CPA6: variants seen among roughly 807,000 people sequenced by gnomAD.
The protein encoded by CPA6 is carboxypeptidase A6, also known as carboxypeptidase B.
Under a neutral mutation model 63.3 loss-of-function variants are expected in CPA6, and 58 were observed. That is an observed-to-expected ratio of 0.92 (90% CI 0.74 to 1.14). The LOEUF (loss-of-function observed/expected upper bound fraction) is 1.14, where lower values mean the gene tolerates loss of function less well. Ranked by LOEUF, CPA6 falls within the 50% of genes most tolerant of loss-of-function variation. The pLI is 0.00. For synonymous variants in CPA6, 185 were observed against 179.0 expected (o/e 1.03, Z -0.27); for missense variants, 565 against 526.6 (o/e 1.07, Z -0.71).
At chr8:67,658,966 A>G (rs193097511) in intron 1 of CPA6, among the ~76,000 whole-genome samples, 1 of 152,082 alleles carries the variant, frequency 6.6e-6, no homozygotes, top group Non-Finnish European at 1.5e-5. Flanking sequence ...GCCCCTTTCA[A>G]TCTACTCTCC....
chr8:67,475,878 TCTC>T (rs756363286), intron 8 of CPA6, among the ~76,000 whole-genome samples: 7,307 of 58,886 alleles, frequency 0.12, 681 homozygotes, highest in East Asian at 0.15. Context: ...TTTCTTTCTT[TCTC>T]CTTTCTTTCT....
intron 3 of CPA6, among the ~76,000 whole-genome samples, chr8:67,516,173 C>T (rs1473324464): frequency 6.6e-6 from 1 of 152,190 alleles, no homozygotes; most frequent in Admixed American, 6.5e-5. Flanking sequence ...CCCAGTTTTT[C>T]TCTTGGTAAT....
intron 1 of CPA6, among the ~76,000 whole-genome samples, chr8:67,642,674 A>C (rs974311557): frequency 6.6e-6 from 1 of 152,160 alleles, no homozygotes; most frequent in Non-Finnish European, 1.5e-5. Flanking sequence ...TGTATAGAGA[A>C]ACATGATCCA....
At chr8:67,654,987 C>T (rs1815948655) in intron 1 of CPA6, among the ~76,000 whole-genome samples, 1 of 152,250 alleles carries the variant, frequency 6.6e-6, no homozygotes, top group South Asian at 2.1e-4. Flanking sequence ...AATGCTGCCC[C>T]TTCATTACAG....
intron 2 of CPA6, among the ~76,000 whole-genome samples, chr8:67,540,229 TG>T (rs1329057528): frequency 6.6e-6 from 1 of 152,170 alleles, no homozygotes; most frequent in Non-Finnish European, 1.5e-5. Flanking sequence ...TATTGCTTTT[TG>T]TTTGTTAGTT....
At chr8:67,474,669 A>G (rs1263639217) in intron 8 of CPA6, among the ~76,000 whole-genome samples, 2 of 152,134 alleles carry the variant, frequency 1.3e-5, no homozygotes, top group Non-Finnish European at 2.9e-5. Context: ...CAAAATCAGA[A>G]ACATAATTAA....
At chr8:67,463,125 C>A (rs1419333157) in intron 8 of CPA6, among the ~76,000 whole-genome samples, 1 of 152,140 alleles carries the variant, frequency 6.6e-6, no homozygotes, top group African/African-American at 2.4e-5. Context: ...AGAAAACATA[C>A]TATTAAAAGC....
chr8:67,721,655 T>A (rs1336439246), intron 1 of CPA6, among the ~76,000 whole-genome samples: 2 of 152,150 alleles, frequency 1.3e-5, no homozygotes, highest in African/African-American at 4.8e-5. Context: ...GGCTGGTACG[T>A]TACTTTAACA....
intron 6 of CPA6, among the ~76,000 whole-genome samples, chr8:67,504,656 C>A (rs976772267): frequency 2.6e-5 from 4 of 152,156 alleles, no homozygotes; most frequent in African/African-American, 9.7e-5. Flanking sequence ...CCAGTGAAGC[C>A]ACACATCCTC....
chr8:67,685,444 C>T (rs1302995008), intron 1 of CPA6, among the ~76,000 whole-genome samples: 2 of 152,068 alleles, frequency 1.3e-5, no homozygotes, highest in South Asian at 2.1e-4. Flanking sequence ...GGTGAAACCC[C>T]GTCTCTACTA....
intron 2 of CPA6, among the ~76,000 whole-genome samples, chr8:67,573,125 A>T (rs1813528838): frequency 1.3e-5 from 2 of 152,242 alleles, no homozygotes; most frequent in South Asian, 2.1e-4. Flanking sequence ...ATGTATATAA[A>T]CACAATAAAA....
intron 3 of CPA6, 132 bp downstream of exon 3, chr8:67,517,791 G>T (rs1242996636): frequency 8.8e-6 from 8 of 908,994 alleles, no homozygotes; most frequent in Non-Finnish European, 1.1e-5. Flanking sequence ...ATATATTCAT[G>T]TCAGTTTTCC....
intron 1 of CPA6, among the ~76,000 whole-genome samples, chr8:67,713,718 G>GAAACA (rs1817321088): frequency 1.3e-5 from 2 of 152,214 alleles, no homozygotes; most frequent in Non-Finnish European, 2.9e-5. Flanking sequence ...GACACAGTGA[G>GAAACA]CATTTCTAAA....
At chr8:67,522,307 C>G (rs770743980) in intron 2 of CPA6, among the ~76,000 whole-genome samples, 1 of 152,138 alleles carries the variant, frequency 6.6e-6, no homozygotes, top group African/African-American at 2.4e-5. Context: ...ACTTCAGGTC[C>G]CCTCTGGTGT....
At chr8:67,565,787 C>T (rs552037483) in intron 2 of CPA6, among the ~76,000 whole-genome samples, 4 of 152,282 alleles carry the variant, frequency 2.6e-5, no homozygotes, top group Non-Finnish European at 4.4e-5. Context: ...CAGTTTGTCT[C>T]AGCACCTTGA....
intron 9 of CPA6, among the ~76,000 whole-genome samples, chr8:67,433,072 A>G (rs977147767): frequency 3.9e-5 from 6 of 152,260 alleles, no homozygotes; most frequent in Admixed American, 1.3e-4. Context: ...GGAAAAAGAC[A>G]TCACACATTT....
intron 8 of CPA6, among the ~76,000 whole-genome samples, chr8:67,475,898 CTTT>C (rs1563968157): frequency 3.7e-5 from 3 of 81,990 alleles, no homozygotes; most frequent in African/African-American, 1.8e-4. Context: ...TTCTTTCTTT[CTTT>C]CTTTCTTTCT....
At chr8:67,705,638 G>A (rs1336060293) in intron 1 of CPA6, among the ~76,000 whole-genome samples, 1 of 152,144 alleles carries the variant, frequency 6.6e-6, no homozygotes, top group East Asian at 1.9e-4. Context: ...CATGATCTCT[G>A]AATTCATCTT....
At chr8:67,579,471 G>A (rs900116) in intron 2 of CPA6, among the ~76,000 whole-genome samples, 61,424 of 152,016 alleles carry the variant, frequency 0.4, 13,451 homozygotes, top group African/African-American at 0.54. Flanking sequence ...GAAATCCCCC[G>A]ACTAATCCAT....
Sources: allele counts gnomAD v4.1 joint callset (sites outside exome capture counted in the v4.1 genomes callset), GRCh38; gene constraint gnomAD v4.1.1; transcripts MANE v1.5; gene names NCBI Gene and HGNC (gene_info 2026-07-23, HGNC 2026-07-21).